Variants in CACNA2D3 observed in about 807,000 individuals in gnomAD.
CACNA2D3 encodes calcium voltage-gated channel auxiliary subunit alpha2delta 3.
In CACNA2D3, 60 loss-of-function variants were observed where a neutral mutation model predicts 160.6. That is an observed-to-expected ratio of 0.37 (90% CI 0.30 to 0.46). The LOEUF (loss-of-function observed/expected upper bound fraction) is 0.46, where lower values mean the gene tolerates loss of function less well. Ranked by LOEUF, CACNA2D3 falls within the 20% of genes least tolerant of loss-of-function variation. The probability of loss-of-function intolerance (pLI) is 1.00; values close to 1 mark genes in which losing one functional copy is unlikely to be tolerated. For synonymous variants in CACNA2D3, 558 were observed against 492.9 expected (o/e 1.13, Z -1.75); for missense variants, 1,205 against 1,365.0 (o/e 0.88, Z 1.85).
At position 54,189,634 on chromosome 3, in the gene CACNA2D3, G is replaced by A. The variant is rs547667622; in HGVS notation, c.204+66040G>A. On this transcript the variant is annotated intron_variant, in intron 2 of 37. Coordinates refer to ENST00000474759, the MANE Select transcript of CACNA2D3 (RefSeq NM_018398.3). ...CGTAGGATTGGCAAATTGCTGGGAT[G>A]AGGGGTGCTTCTTGCCTAGCTTCAG... 2.6e-4 allele frequency among the ~76,000 whole-genome samples: 39 copies of A among 152,300 alleles called. No individual in the cohort carries two copies. The East Asian group carries it at 5.0e-3, about 20-fold the overall frequency.
chr3:54,710,991 A>G (rs1275814712), intron 11 of CACNA2D3, among the ~76,000 whole-genome samples: 1 of 152,192 alleles, frequency 6.6e-6, no homozygotes, highest in African/African-American at 2.4e-5. Context: ...ATCTGTGGCT[A>G]TGTAGCATAT....
intron 2 of CACNA2D3, among the ~76,000 whole-genome samples, chr3:54,146,533 T>G (rs932881435): frequency 2.6e-5 from 4 of 152,216 alleles, no homozygotes; most frequent in Non-Finnish European, 5.9e-5. Context: ...AGTCTCTCAC[T>G]CTTCCTCTGT....
At chr3:54,564,856 C>T (rs546787610) in intron 6 of CACNA2D3, among the ~76,000 whole-genome samples, 2 of 152,344 alleles carry the variant, frequency 1.3e-5, no homozygotes, top group South Asian at 2.1e-4. Context: ...AGCACACTTA[C>T]TGGCTCATGT....
intron 13 of CACNA2D3, among the ~76,000 whole-genome samples, chr3:54,812,613 T>C (rs1335484424): frequency 1.3e-5 from 2 of 152,206 alleles, no homozygotes; most frequent in Non-Finnish European, 2.9e-5. Flanking sequence ...CGTGCCAGGA[T>C]TTCTCATCCC....
chr3:55,002,601 T>A (rs752994449), intron 31 of CACNA2D3, among the ~76,000 whole-genome samples: 1 of 152,250 alleles, frequency 6.6e-6, no homozygotes, highest in East Asian at 1.9e-4. Flanking sequence ...TGATTTATGG[T>A]CTTCGTTTCT....
chr3:54,417,676 C>G (rs985593291), intron 4 of CACNA2D3, among the ~76,000 whole-genome samples: 2 of 151,772 alleles, frequency 1.3e-5, no homozygotes, highest in Non-Finnish European at 2.9e-5. Flanking sequence ...AAAACTGAAG[C>G]AGGTAAATTC....
intron 8 of CACNA2D3, 81 bp downstream of exon 8, chr3:54,570,185 G>T (rs1702471741): frequency 2.4e-5 from 33 of 1,388,818 alleles, no homozygotes; most frequent in Non-Finnish European, 3.3e-5. Context: ...TGCTCTCGCT[G>T]TTAGATCCAG....
At chr3:54,439,230 T>C (rs1334551226) in intron 4 of CACNA2D3, among the ~76,000 whole-genome samples, 1 of 152,120 alleles carries the variant, frequency 6.6e-6, no homozygotes, top group African/African-American at 2.4e-5. Context: ...ATGTCTTATT[T>C]TGAAATATTT....
intron 27 of CACNA2D3, among the ~76,000 whole-genome samples, chr3:54,944,712 C>T (rs966154847): frequency 2.6e-5 from 4 of 151,862 alleles, no homozygotes; most frequent in African/African-American, 7.3e-5. Context: ...TGAGCCACCG[C>T]GCCCAGCCTC....
chr3:54,419,140 C>A (rs1311012134), intron 4 of CACNA2D3, among the ~76,000 whole-genome samples: 1 of 152,232 alleles, frequency 6.6e-6, no homozygotes, highest in Non-Finnish European at 1.5e-5. Context: ...TTGGGAGTCA[C>A]TTCCGCAGTA....
At chr3:54,823,992 C>T (rs1347823308) in intron 14 of CACNA2D3, among the ~76,000 whole-genome samples, 2 of 152,118 alleles carry the variant, frequency 1.3e-5, no homozygotes, top group Non-Finnish European at 2.9e-5. Context: ...CAAGAGTTAA[C>T]CTAACAATAG....
In CACNA2D3 at chr3:54,846,435, T is replaced by C. The variant is rs753412385; in HGVS notation, c.1594T>C (p.Tyr532His). 6.2e-7 allele frequency: 1 copy of C among 1,605,730 alleles called. No individual in the cohort carries two copies. Among genetic ancestry groups the C allele is most frequent in the Admixed American group, 1.7e-5 (1 of 59,140 alleles). ...GYAFAITNNG[Y>H]ILTHPELRLL... ...TGCCTTTGCAATCACAAATAATGGA[T>C]ATATCCTGACGCATCCGGAACTCAG... Residue 532 changes from tyrosine (Y) to histidine (H), a missense_variant, in exon 17 of 38, where the codon TAT (tyrosine) becomes CAT (histidine). Tyr to His is a moderately conservative substitution (Grantham distance 83). Transcript: ENST00000474759.
At chr3:54,133,481 T>G (rs116341108) in intron 2 of CACNA2D3, among the ~76,000 whole-genome samples, 1 of 152,232 alleles carries the variant, frequency 6.6e-6, no homozygotes, top group Non-Finnish European at 1.5e-5. Context: ...GCATTGGTGT[T>G]AGTGTGGTAT....
chr3:54,846,922 A>C (rs950912030), intron 17 of CACNA2D3, among the ~76,000 whole-genome samples: 4 of 152,258 alleles, frequency 2.6e-5, no homozygotes, highest in African/African-American at 9.6e-5. Flanking sequence ...TACATTACTT[A>C]AGCCCAGTGT....
At chr3:54,589,697 A>G (rs1702825163) in intron 9 of CACNA2D3, among the ~76,000 whole-genome samples, 1 of 152,212 alleles carries the variant, frequency 6.6e-6, no homozygotes, top group African/African-American at 2.4e-5. Context: ...AGTAATTCTT[A>G]AAACTCAACA....
chr3:54,225,536 CTT>C (rs1701655498), intron 2 of CACNA2D3, among the ~76,000 whole-genome samples: 1 of 152,152 alleles, frequency 6.6e-6, no homozygotes, highest in Non-Finnish European at 1.5e-5. Flanking sequence ...TTTCTGTTGA[CTT>C]ATCTTTTAAT....
intron 2 of CACNA2D3, among the ~76,000 whole-genome samples, chr3:54,185,033 T>TTTG: frequency 6.6e-6 from 1 of 151,952 alleles, no homozygotes; most frequent in Admixed American, 6.6e-5. Context: ...GTGGGAGGGG[T>TTTG]TTGTGTATGT....
chr3:54,779,625 C>T (rs72874238), intron 13 of CACNA2D3, among the ~76,000 whole-genome samples: 2,607 of 152,236 alleles, frequency 0.017, 75 homozygotes, highest in African/African-American at 0.06. Flanking sequence ...TTTTAGTTGC[C>T]TGAACAACCC....
intron 4 of CACNA2D3, among the ~76,000 whole-genome samples, chr3:54,463,076 T>C (rs1181321584): frequency 6.6e-6 from 1 of 152,118 alleles, no homozygotes. Context: ...TTGAAAATTC[T>C]TTTCTTTAAG....
Sources: allele counts gnomAD v4.1 joint callset (sites outside exome capture counted in the v4.1 genomes callset), GRCh38; gene constraint gnomAD v4.1.1; transcripts MANE v1.5; gene names NCBI Gene and HGNC (gene_info 2026-07-23, HGNC 2026-07-21).